TENM4: variants seen among roughly 807,000 people sequenced by gnomAD.
TENM4 encodes teneurin transmembrane protein 4, also known as teneurin-4.
A neutral mutation model predicts 243.3 loss-of-function variants in TENM4; 82 were observed. The observed-to-expected ratio is 0.34, with a 90% CI of 0.28 to 0.40. The LOEUF (loss-of-function observed/expected upper bound fraction) is 0.40, where lower values mean the gene tolerates loss of function less well. Among genes scored for constraint, TENM4 ranks in the 10% least tolerant of loss-of-function variants. The pLI is 1.00. For synonymous variants in TENM4, 1,412 were observed against 1,456.3 expected, an observed-to-expected ratio of 0.97 and a Z score of 0.69; for missense variants, 3,138 against 3,673.3, an observed-to-expected ratio of 0.85 and a Z score of 3.77.
At position 78,712,599 on chromosome 11, in the gene TENM4, C is replaced by T. The variant is rs1484439189; in HGVS notation, c.3937G>A (p.Asp1313Asn). 14 of 1,613,974 alleles carry T rather than the reference C, an allele frequency of 8.7e-6. No homozygotes were observed. The highest frequency in any genetic ancestry group is 1.2e-5 in the Non-Finnish European group (14 of 1,179,902). ...ACCACCTCAGAGTTCTTGACAAGGTCCTTCACCACCACAGTGGACTTGATT... is the reference window on the plus strand; with the variant it reads ...ACCACCTCAGAGTTCTTGACAAGGTTCTTCACCACCACAGTGGACTTGATT... ...FKIKSTVVVK[D>N]LVKNSEVVAG... The change falls in exon 26 of 34, where the codon GAC becomes AAC. Residue 1313 changes from aspartate to asparagine, a missense_variant. This residue lies in a region of TENM4 where 2,467 missense variants were observed against 3,059.1 expected (regional missense o/e 0.81). Coordinates refer to ENST00000278550, the MANE Select transcript of TENM4 (RefSeq NM_001098816.3).
At chr11:78,757,973 G>A (rs1469408387) in intron 18 of TENM4, among the ~76,000 whole-genome samples, 1 of 152,198 alleles carries the variant, frequency 6.6e-6, no homozygotes, top group Non-Finnish European at 1.5e-5. Flanking sequence ...TACAAAGAAA[G>A]TCCACCAGAT....
At chr11:78,976,721 G>C (rs1857664655) in intron 6 of TENM4, among the ~76,000 whole-genome samples, 1 of 152,152 alleles carries the variant, frequency 6.6e-6, no homozygotes, top group Non-Finnish European at 1.5e-5. Context: ...TTCCAACCTT[G>C]CTCCTGAGTG....
intron 13 of TENM4, among the ~76,000 whole-genome samples, chr11:78,813,057 C>G (rs1857532487): frequency 6.6e-6 from 1 of 152,164 alleles, no homozygotes; most frequent in African/African-American, 2.4e-5. Context: ...GAAGGAATGA[C>G]TCATCTCTCT....
rs188835323 is a variant in TENM4, at chr11:78,744,340, T to C, written c.2757-5770A>G. Among the ~76,000 whole-genome samples, 258 of 152,358 alleles carry C rather than the reference T, an allele frequency of 1.7e-3. 1 individual carries two copies. The highest frequency in any genetic ancestry group is 6.0e-3 in the African/African-American group (249 of 41,592). ...TTTCCAGCCCAACATCTTCTGCCTATATACGTATTCTTGGGAAACCCCTGA... is the reference window on the plus strand; with the variant it reads ...TTTCCAGCCCAACATCTTCTGCCTACATACGTATTCTTGGGAAACCCCTGA... On this transcript the variant is annotated intron_variant, in intron 19 of 33. Transcript: ENST00000278550.
In TENM4 at chr11:79,065,003, G is replaced by T; in HGVS notation, c.228C>A (p.Ala76=). ...GCCCCAGCTCCCGCAGGGTGAAGTT[G>T]GCACCTGGGAGGAAACACAGGTGAA... ...QEAEEFCRTG[A]NFTLRELGLE... is the part of the protein sequence containing the mutation. Residue 76 remains alanine, a synonymous_variant, in exon 6 of 34, where the codon GCC becomes GCA. Transcript: ENST00000278550. 1.4e-6 allele frequency: 2 copies of T among 1,458,184 alleles called. No individual in the cohort carries two copies. The highest frequency in any genetic ancestry group is 1.8e-6 in the Non-Finnish European group (2 of 1,100,800). The allele number at this position is 1,458,184 out of a possible 1,614,324, so 90.3% of individuals were successfully genotyped here.
intron 3 of TENM4, among the ~76,000 whole-genome samples, chr11:79,154,779 A>C (rs1211633514): frequency 6.6e-6 from 1 of 152,052 alleles, no homozygotes; most frequent in Non-Finnish European, 1.5e-5. Flanking sequence ...CACACTTACC[A>C]GAGTGATGAT....
chr11:79,416,815 C>T (rs1051749996), intron 1 of TENM4, among the ~76,000 whole-genome samples: 6 of 151,850 alleles, frequency 4.0e-5, no homozygotes, highest in African/African-American at 1.2e-4. Context: ...ACTGCTTTTG[C>T]GCAAAGCTTG....
chr11:78,722,594 G>A (rs1855414138), intron 24 of TENM4, 74 bp downstream of exon 24: 1 of 1,549,476 alleles, frequency 6.5e-7, no homozygotes, highest in Non-Finnish European at 8.7e-7. Flanking sequence ...GGGCTCAGCA[G>A]GTAATGTGGC....
chr11:78,811,569 A>AACACACAC (rs749041202), intron 14 of TENM4, among the ~76,000 whole-genome samples: 1,531 of 65,060 alleles, frequency 0.024, 24 homozygotes, highest in African/African-American at 0.056. Context: ...CATACACATG[A>AACACACAC]ACACACACAC....
chr11:79,300,372 T>C (rs142178580), intron 1 of TENM4, among the ~76,000 whole-genome samples: 2,342 of 152,338 alleles, frequency 0.015, 54 homozygotes, highest in African/African-American at 0.053. Flanking sequence ...TTTTAAATGG[T>C]TATGTAGATT....
intron 12 of TENM4, among the ~76,000 whole-genome samples, chr11:78,846,794 G>A (rs1229549123): frequency 6.6e-6 from 1 of 152,226 alleles, no homozygotes; most frequent in Admixed American, 6.5e-5. Flanking sequence ...GGGGGTCTCA[G>A]TTGGTCTTTG....
intron 4 of TENM4, among the ~76,000 whole-genome samples, chr11:79,117,053 T>G (rs1182775097): frequency 6.6e-6 from 1 of 152,232 alleles, no homozygotes; most frequent in Non-Finnish European, 1.5e-5. Context: ...TTATCATTTT[T>G]ATTCAGCTAC....
rs7106890 is a variant in TENM4, at chr11:78,666,571, A to T, written c.7408+2366T>A. 2.4e-3 allele frequency among the ~76,000 whole-genome samples: 361 copies of T among 152,344 alleles called. 1 individual carries two copies. Among genetic ancestry groups the T allele is most frequent in the Middle Eastern group, 0.017 (5 of 294 alleles). On this transcript the variant is annotated intron_variant, in intron 32 of 33. Coordinates refer to ENST00000278550, the MANE Select transcript of TENM4 (RefSeq NM_001098816.3). ...TTAACTGACTGGAATATAGAACCTA[A>T]ACTGAAAATGTTAGGTGCCCCTTGA...
chr11:79,262,183 G>A (rs1855809729), intron 2 of TENM4, among the ~76,000 whole-genome samples: 1 of 152,192 alleles, frequency 6.6e-6, no homozygotes, highest in Non-Finnish European at 1.5e-5. Context: ...GAAAGTCTTG[G>A]AGGCTCAGTT....
chr11:78,845,052 C>T (rs1191826849), intron 12 of TENM4, among the ~76,000 whole-genome samples: 1 of 152,226 alleles, frequency 6.6e-6, no homozygotes, highest in Admixed American at 6.5e-5. Context: ...CTCACAACCT[C>T]CTTCTACATG....
At chr11:79,246,573 TG>T (rs1321583655) in intron 2 of TENM4, among the ~76,000 whole-genome samples, 3 of 152,186 alleles carry the variant, frequency 2.0e-5, no homozygotes, top group Admixed American at 2.0e-4. Context: ...ACCTGGATGA[TG>T]GGGTATCACA....
Position 78,921,423 on chromosome 11 carries a change from A to C in TENM4, c.494-17900T>G, listed in dbSNP as rs563192246. Among the ~76,000 whole-genome samples the C allele has an allele frequency of 9.2e-5, 14 of 152,372 alleles. No individual in the cohort carries two copies. The South Asian group carries it at 2.9e-3, about 32-fold the overall frequency. On this transcript the variant is annotated intron_variant, in intron 6 of 33. Transcript: ENST00000278550. ...GTTTTTCTCTCTCTCTAGAACTCAA[A>C]TGTGGCATTTAGGAATATTTCTAGA...
At chr11:78,940,174 A>G in intron 6 of TENM4, among the ~76,000 whole-genome samples, 1 of 152,298 alleles carries the variant, frequency 6.6e-6, no homozygotes. Context: ...TTCATACTGT[A>G]TATACAGTTT....
chr11:79,027,408 C>T (rs1859108166), intron 6 of TENM4, among the ~76,000 whole-genome samples: 1 of 152,196 alleles, frequency 6.6e-6, no homozygotes, highest in African/African-American at 2.4e-5. Context: ...TCTTCTGTGG[C>T]AGAGCCAGGA....
Sources: gnomAD v4.1 joint callset for allele counts (sites outside exome capture counted in the v4.1 genomes callset) on GRCh38, gnomAD v4.1.1 for gene constraint, gnomAD v4.1.1 regional missense constraint, MANE v1.5 for transcripts, NCBI Gene and HGNC (gene_info 2026-07-23, HGNC 2026-07-21) for gene names.